ASPH: variants seen among roughly 807,000 people sequenced by gnomAD.
ASPH encodes aspartyl/asparaginyl beta-hydroxylase.
ASPH carries 100 observed loss-of-function variants against 118.4 expected under a neutral mutation model. The ratio of observed to expected loss-of-function variants is 0.84; its 90% CI spans 0.72 to 1.00. The LOEUF is 1.00. ASPH is among the 50% of genes least tolerant of loss of function. ASPH has a pLI of 0.00. For synonymous variants in ASPH, 315 were observed against 325.6 expected, an observed-to-expected ratio of 0.97 and a Z score of 0.35; for missense variants, 920 against 919.5, an observed-to-expected ratio of 1.00 and a Z score of -0.01.
chr8:61,584,424 A>G (rs1398006650), intron 14 of ASPH, among the ~76,000 whole-genome samples: 2 of 152,196 alleles, frequency 1.3e-5, no homozygotes, highest in African/African-American at 4.8e-5. Context: ...TTTCTGATAC[A>G]GATAAAGATG....
chr8:61,705,387 T>C (rs1449501236), intron 1 of ASPH, among the ~76,000 whole-genome samples: 1 of 152,108 alleles, frequency 6.6e-6, no homozygotes, highest in East Asian at 1.9e-4. Flanking sequence ...TATGTACCCC[T>C]GAACCTAAAA....
intron 8 of ASPH, 44 bp from the exon 9 acceptor site, chr8:61,643,477 A>G (rs746547002): frequency 7.6e-5 from 119 of 1,558,626 alleles, no homozygotes; most frequent in Non-Finnish European, 1.0e-4. Context: ...AAAAAACCAA[A>G]CACATTGCCA....
chr8:61,663,403 AC>A, intron 3 of ASPH: 1 of 985,422 alleles, frequency 1.0e-6, no homozygotes, highest in Non-Finnish European at 1.2e-6. Flanking sequence ...GGATTGGTAA[AC>A]TAGAGACTGG....
chr8:61,707,860 ATG>A (rs974698413), intron 1 of ASPH, among the ~76,000 whole-genome samples: 7 of 152,130 alleles, frequency 4.6e-5, no homozygotes, highest in East Asian at 3.9e-4. Context: ...ATATACATAT[ATG>A]TGTGTGTGTG....
At chr8:61,703,835 A>G (rs1297947219) in intron 1 of ASPH, among the ~76,000 whole-genome samples, 1 of 152,222 alleles carries the variant, frequency 6.6e-6, no homozygotes, top group Non-Finnish European at 1.5e-5. Flanking sequence ...AAGGAACAAC[A>G]AAGTAGGAGG....
intron 1 of ASPH, among the ~76,000 whole-genome samples, chr8:61,710,539 G>A (rs1168469162): frequency 6.6e-6 from 1 of 152,148 alleles, no homozygotes; most frequent in African/African-American, 2.4e-5. Flanking sequence ...GAGGTTAACT[G>A]GTCTCTGGAA....
At chr8:61,707,561 C>G (rs1836987431) in intron 1 of ASPH, among the ~76,000 whole-genome samples, 1 of 152,142 alleles carries the variant, frequency 6.6e-6, no homozygotes, top group Non-Finnish European at 1.5e-5. Context: ...AATGTGTGTA[C>G]TTTCTATGAC....
At chr8:61,512,599 GAT>G (rs1391829392) in intron 24 of ASPH, among the ~76,000 whole-genome samples, 5 of 152,178 alleles carry the variant, frequency 3.3e-5, no homozygotes, top group Non-Finnish European at 7.3e-5. Context: ...TTCAGTTTGT[GAT>G]AATTTGTTGT....
At chr8:61,637,706 A>G (rs375514927) in intron 12 of ASPH, among the ~76,000 whole-genome samples, 21 of 152,268 alleles carry the variant, frequency 1.4e-4, no homozygotes, top group African/African-American at 4.8e-4. Context: ...TTGCTGTTAC[A>G]GTAGCCTGTT....
chr8:61,635,385 T>C (rs1857282291), intron 12 of ASPH, among the ~76,000 whole-genome samples: 1 of 152,002 alleles, frequency 6.6e-6, no homozygotes. Context: ...TTTAATACCA[T>C]CTCTACGACA....
chr8:61,696,458 G>C (rs1292853055), intron 1 of ASPH, among the ~76,000 whole-genome samples: 1 of 152,172 alleles, frequency 6.6e-6, no homozygotes, highest in Non-Finnish European at 1.5e-5. Context: ...CTGCAGCAGA[G>C]AATGTGAATC....
intron 5 of ASPH, among the ~76,000 whole-genome samples, chr8:61,649,600 G>T (rs951461094): frequency 6.6e-6 from 1 of 152,186 alleles, no homozygotes; most frequent in Non-Finnish European, 1.5e-5. Context: ...GAAGGAGGCT[G>T]TGGCCAGAAC....
intron 1 of ASPH, among the ~76,000 whole-genome samples, chr8:61,705,398 T>C (rs1194385123): frequency 6.6e-6 from 1 of 151,876 alleles, no homozygotes; most frequent in African/African-American, 2.4e-5. Flanking sequence ...GAACCTAAAA[T>C]AAAAGCTTAA....
chr8:61,597,765 A>C (rs1163597365), intron 14 of ASPH, among the ~76,000 whole-genome samples: 1 of 152,244 alleles, frequency 6.6e-6, no homozygotes, highest in Non-Finnish European at 1.5e-5. Context: ...TTGCCAGCTA[A>C]GATACCAGAT....
rs1835189360 is a variant in ASPH at position 61,576,504 on chromosome 8, T to C, written c.1149+268A>G. The C allele has an allele frequency of 3.2e-5, 11 of 338,464 alleles. No individual in the cohort carries two copies. The South Asian group carries it at 5.8e-4, about 18-fold the overall frequency. 21.0% of individuals were successfully genotyped at this position (338,464 alleles called of 1,614,324 possible). On this transcript the variant is annotated intron_variant, in intron 16 of 24. Coordinates refer to ENST00000379454, the MANE Select transcript of ASPH (RefSeq NM_004318.4). Reference sequence around the variant, plus strand: ...TGGTGGGATTAGATGGAATGGGACATGAGGGGATGGTAAATCAATGACAAA... The same window carrying C: ...TGGTGGGATTAGATGGAATGGGACACGAGGGGATGGTAAATCAATGACAAA...
intron 15 of ASPH, among the ~76,000 whole-genome samples, chr8:61,580,608 G>A (rs1272546255): frequency 1.3e-5 from 2 of 152,156 alleles, no homozygotes; most frequent in East Asian, 1.9e-4. Context: ...ATGGTGGCAG[G>A]GCTGTGCTCT....
At chr8:61,638,108 C>T (rs1455050843) in intron 11 of ASPH, 105 bp from the exon 12 acceptor site, 2 of 1,266,016 alleles carry the variant, frequency 1.6e-6, no homozygotes, top group African/African-American at 3.0e-5. Flanking sequence ...CGTGTCCACT[C>T]AGATTGCTAA....
chr8:61,545,370 T>C (rs1823448906), intron 21 of ASPH, among the ~76,000 whole-genome samples: 1 of 152,210 alleles, frequency 6.6e-6, no homozygotes, highest in Non-Finnish European at 1.5e-5. Flanking sequence ...TAAATTTCTA[T>C]TGTTTATAAG....
chr8:61,711,186 C>A (rs1837977289), intron 1 of ASPH, among the ~76,000 whole-genome samples: 1 of 151,998 alleles, frequency 6.6e-6, no homozygotes, highest in Non-Finnish European at 1.5e-5. Context: ...TAGCAGGACA[C>A]CCAGACAAAA....
Sources: gnomAD v4.1 joint callset for allele counts (sites outside exome capture counted in the v4.1 genomes callset) on GRCh38, gnomAD v4.1.1 for gene constraint, MANE v1.5 for transcripts, NCBI Gene and HGNC (gene_info 2026-07-23, HGNC 2026-07-21) for gene names.